ARHGEF18: variants seen among roughly 807,000 people sequenced by gnomAD.
The protein encoded by ARHGEF18 is rho guanine nucleotide exchange factor 18.
Under a neutral mutation model 155.7 loss-of-function variants are expected in ARHGEF18, and 93 were observed. The ratio of observed to expected loss-of-function variants is 0.60; its 90% CI spans 0.50 to 0.71. ARHGEF18 has a LOEUF of 0.71. Among genes scored for constraint, ARHGEF18 ranks in the 30% least tolerant of loss-of-function variants. The probability of loss-of-function intolerance (pLI) is 0.00; values close to 1 mark genes in which losing one functional copy is unlikely to be tolerated. For synonymous variants in ARHGEF18, 742 were observed against 753.1 expected, an observed-to-expected ratio of 0.99 and a Z score of 0.24; for missense variants, 1,593 against 1,816.1, an observed-to-expected ratio of 0.88 and a Z score of 2.23.
rs35473770 is a variant in ARHGEF18, at chr19:7,451,404, C to CTTTTT, written c.1855+154_1855+158dup. On this transcript the variant is annotated intron_variant, in intron 16 of 28. Coordinates refer to ENST00000668164, the MANE Select transcript of ARHGEF18 (RefSeq NM_001367823.1). ...GTTTGCTGGGTGCTGGGGTTCCTTC[C>CTTTTT]TTTTTTTTTTTTTTTTTTTTAAGAG... 8.5e-4 allele frequency: 321 copies of CTTTTT among 377,416 alleles called. 1 individual carries two copies. The highest frequency in any genetic ancestry group is 1.6e-3 in the Middle Eastern group (2 of 1,260). The allele number at this position is 377,416 out of a possible 1,614,324, so 23.4% of individuals were successfully genotyped here.
chr19:7,356,769 G>C (rs896548616), intron 1 of ARHGEF18, among the ~76,000 whole-genome samples: 1 of 152,178 alleles, frequency 6.6e-6, no homozygotes, highest in Non-Finnish European at 1.5e-5. Flanking sequence ...CAGCCGCATC[G>C]CTTAGCCTGC....
chr19:7,450,656 T>C, intron 15 of ARHGEF18, among the ~76,000 whole-genome samples: 5 of 152,312 alleles, frequency 3.3e-5, no homozygotes, highest in African/African-American at 9.6e-5. Context: ...TACGGGATCT[T>C]GCTGTCCATT....
At chr19:7,455,235 G>A (rs538357615) in intron 17 of ARHGEF18, among the ~76,000 whole-genome samples, 5 of 152,292 alleles carry the variant, frequency 3.3e-5, no homozygotes, top group South Asian at 2.1e-4. Context: ...ACACCCCACC[G>A]GGCAAGACCT....
rs769632300 is a variant in ARHGEF18, at chr19:7,456,350, G to A, written c.2128G>A (p.Asp710Asn). 4.3e-6 allele frequency: 7 copies of A among 1,614,038 alleles called. No homozygotes were observed. The highest frequency in any genetic ancestry group is 5.9e-6 in the Non-Finnish European group (7 of 1,180,032). Residue 710 changes from aspartate (D) to asparagine (N), a missense_variant, in exon 18 of 29, where the codon GAC (aspartate) becomes AAC (asparagine). Coordinates refer to ENST00000668164, the MANE Select transcript of ARHGEF18 (RefSeq NM_001367823.1). ...AGATATCCTGGCTATCCTGCTGACC[G>A]ACGTACTTTTGCTGCTACAAGAAAA... ...LKDILAILLT[D>N]VLLLLQEKDQ...
intron 10 of ARHGEF18, among the ~76,000 whole-genome samples, chr19:7,422,169 G>A (rs1026321946): frequency 1.3e-5 from 2 of 151,970 alleles, no homozygotes; most frequent in Admixed American, 6.6e-5. Context: ...CCTATCACTG[G>A]TTACCTCTGT....
intron 10 of ARHGEF18, among the ~76,000 whole-genome samples, chr19:7,387,948 AGCC>A (rs1971177777): frequency 7.0e-6 from 1 of 143,264 alleles, no homozygotes; most frequent in African/African-American, 2.4e-5. Context: ...TATAGGCATG[AGCC>A]ACCGTGTCTG....
chr19:7,427,719 G>T (rs1312475937), intron 10 of ARHGEF18, among the ~76,000 whole-genome samples: 2 of 151,478 alleles, frequency 1.3e-5, no homozygotes, highest in East Asian at 3.9e-4. Context: ...GCTGAGGCAG[G>T]CAGATTTCTT....
At chr19:7,394,909 C>T in intron 10 of ARHGEF18, 1 of 287,696 alleles carries the variant, frequency 3.5e-6, no homozygotes, top group Non-Finnish European at 5.2e-6. Flanking sequence ...ACCCGCCCCT[C>T]AAAAGTCGCC....
chr19:7,378,198 G>A lies in ARHGEF18; in HGVS notation c.542-196G>A, dbSNP rs188858272. Among the ~76,000 whole-genome samples the A allele has an allele frequency of 3.3e-5, 5 of 152,248 alleles. No individual in the cohort carries two copies. In the East Asian group the frequency reaches 7.7e-4, roughly 24 times the overall value. The stretch of plus-strand genomic sequence containing the variant: ...CACTTAGTAGGTTGTAAGCACTCAC[G>A]AGACACTGGGGACACCTGCGTTTGT... On this transcript the variant is annotated intron_variant, in intron 5 of 28. Transcript: ENST00000668164.
At chr19:7,363,553 G>A (rs1212762099) in intron 2 of ARHGEF18, among the ~76,000 whole-genome samples, 1 of 151,674 alleles carries the variant, frequency 6.6e-6, no homozygotes, top group African/African-American at 2.4e-5. Flanking sequence ...AATGTGGGTG[G>A]ATGGATACAT....
At chr19:7,409,748 G>A (rs1376808801) in intron 10 of ARHGEF18, among the ~76,000 whole-genome samples, 1 of 147,756 alleles carries the variant, frequency 6.8e-6, no homozygotes, top group Non-Finnish European at 1.5e-5. Flanking sequence ...GGCCTGTGAG[G>A]GGTTTTTCTT....
intron 10 of ARHGEF18, among the ~76,000 whole-genome samples, chr19:7,428,980 G>C (rs539115679): frequency 6.6e-6 from 1 of 152,332 alleles, no homozygotes; most frequent in East Asian, 1.9e-4. Flanking sequence ...CAATAAAGTC[G>C]GGAGTGTGGT....
chr19:7,401,048 A>G (rs766620343), intron 10 of ARHGEF18, among the ~76,000 whole-genome samples: 22 of 152,198 alleles, frequency 1.4e-4, no homozygotes, highest in African/African-American at 4.3e-4. Flanking sequence ...TTTAGAAACC[A>G]TAGTAAGTTG....
At chr19:7,427,671 C>T (rs1368766429) in intron 10 of ARHGEF18, among the ~76,000 whole-genome samples, 7 of 149,884 alleles carry the variant, frequency 4.7e-5, no homozygotes, top group South Asian at 2.1e-4. Context: ...GAAGGCCGGG[C>T]GCAGTGGCTC....
At chr19:7,380,820 CG>C (rs1217347020) in intron 7 of ARHGEF18, 96 bp from the exon 8 acceptor site, 39 of 735,218 alleles carry the variant, frequency 5.3e-5, no homozygotes, top group Admixed American at 2.2e-4. Context: ...GGCTCTTAGA[CG>C]GGGTACCTGG....
intron 10 of ARHGEF18, among the ~76,000 whole-genome samples, chr19:7,409,976 G>T (rs149244772): frequency 0.011 from 1,527 of 140,838 alleles, 27 homozygotes; most frequent in African/African-American, 0.039. Flanking sequence ...TTTTAGCAGA[G>T]ATGGGGTTTT....
Position 7,469,141 on chromosome 19 carries a change from C to T in ARHGEF18, c.3787+10C>T. 6.3e-7 allele frequency: 1 copy of T among 1,579,620 alleles called. No homozygotes were observed. Among genetic ancestry groups the T allele is most frequent in the Non-Finnish European group, 8.6e-7 (1 of 1,162,812 alleles). ...CGCTGGGAGAGCTCAGGTGAGCCGG[C>T]CCCACCCCTTCGCCTGGGCCTGGAA... On this transcript the variant is annotated intron_variant, in intron 27 of 28. Transcript: ENST00000668164.
chr19:7,444,135 A>T lies in ARHGEF18; in HGVS notation c.1361-69A>T, dbSNP rs537404936. 1 of 1,577,172 alleles carries T rather than the reference A, an allele frequency of 6.3e-7. No individual in the cohort carries two copies. Among genetic ancestry groups the T allele is most frequent in the East Asian group, 2.3e-5 (1 of 44,414 alleles). On this transcript the variant is annotated intron_variant, in intron 13 of 28. Coordinates refer to ENST00000668164, the MANE Select transcript of ARHGEF18 (RefSeq NM_001367823.1). The surrounding 1 kb of genome is among the most constrained non-coding windows in gnomAD (Gnocchi z 4.7). ...CCAGTTCAGCACGTGAAGGGCAGGC[A>T]GCACCCACGACTGCCCAGCGGGGCC...
Position 7,467,204 on chromosome 19 carries a change from C to A in ARHGEF18, c.3010-10C>A. The A allele has an allele frequency of 6.3e-7, 1 of 1,583,040 alleles. No individual in the cohort carries two copies. Among genetic ancestry groups the A allele is most frequent in the Admixed American group, 1.7e-5 (1 of 58,584 alleles). On this transcript the variant is annotated splice_polypyrimidine_tract_variant and intron_variant, in intron 25 of 28. Coordinates refer to ENST00000668164, the MANE Select transcript of ARHGEF18 (RefSeq NM_001367823.1). ...GCGGCTCTCACTCGCCTGGCCCTGG[C>A]CCTCCGCAGGCGGTAATCGCCCACC...
Sources: gnomAD v4.1 joint callset for allele counts (sites outside exome capture counted in the v4.1 genomes callset) on GRCh38, gnomAD v4.1.1 for gene constraint, Gnocchi (gnomAD v3.1) non-coding constraint, MANE v1.5 for transcripts, NCBI Gene and HGNC (gene_info 2026-07-23, HGNC 2026-07-21) for gene names.